Variants in GRXCR2 observed in about 807,000 individuals in gnomAD.
GRXCR2 encodes glutaredoxin domain-containing cysteine-rich protein 2.
A neutral mutation model predicts 24.8 loss-of-function variants in GRXCR2; 23 were observed. That is an observed-to-expected ratio of 0.93 (90% CI 0.67 to 1.32). The LOEUF (loss-of-function observed/expected upper bound fraction) is 1.32, where lower values mean the gene tolerates loss of function less well. GRXCR2 is among the 40% of genes most tolerant of loss of function. The probability of loss-of-function intolerance (pLI) is 0.00; values close to 1 mark genes in which losing one functional copy is unlikely to be tolerated. For synonymous variants in GRXCR2, 130 were observed against 116.1 expected (o/e 1.12, Z -0.77); for missense variants, 315 against 303.4 (o/e 1.04, Z -0.28).
chr5:145,872,509 C>T (rs562200118), intron 1 of GRXCR2, 124 bp downstream of exon 1: 7 of 680,052 alleles, frequency 1.0e-5, no homozygotes, highest in African/African-American at 8.9e-5. Context: ...CCATTTGGTG[C>T]ACCAACAGTT....
At chr5:145,874,228 G>A (rs576119504), upstream of GRXCR2, among the ~76,000 whole-genome samples, 33 of 148,200 alleles carry the variant, frequency 2.2e-4, no homozygotes, top group South Asian at 1.3e-3. Flanking sequence ...TTTTTGAGAC[G>A]GAGTCTCACT....
In GRXCR2 at chr5:145,886,882, T is replaced by A. The variant is rs549926622; in HGVS notation, c.-69-20154A>T. Among the ~76,000 whole-genome samples, 35 of 152,338 alleles carry A rather than the reference T, an allele frequency of 2.3e-4. No homozygotes were observed. In the East Asian group the frequency reaches 6.4e-3, roughly 28 times the overall value. ...CTATTTTAGGTTCTTTTTTTCCTAC[T>A]AAACCCTTTAATTCCTATGTGTATT... is the stretch of plus-strand genomic sequence containing the variant. On this transcript the variant is annotated intron_variant, in intron 2 of 3. Transcript: ENST00000639411.
At chr5:145,915,013 C>A (rs1392201965) in intron 2 of GRXCR2, among the ~76,000 whole-genome samples, 1 of 152,188 alleles carries the variant, frequency 6.6e-6, no homozygotes, top group Non-Finnish European at 1.5e-5. Context: ...CTGGATCTCT[C>A]TTCCAGGCAT....
intron 2 of GRXCR2, among the ~76,000 whole-genome samples, chr5:145,910,438 C>A (rs375522531): frequency 9.9e-4 from 150 of 152,154 alleles, no homozygotes; most frequent in African/African-American, 3.3e-3. Context: ...GTAATTTCCC[C>A]ACTGTTCATA....
At chr5:145,868,827 G>T (rs1321807774) in intron 1 of GRXCR2, among the ~76,000 whole-genome samples, 3 of 152,188 alleles carry the variant, frequency 2.0e-5, no homozygotes, top group African/African-American at 4.8e-5. Flanking sequence ...TTTAAGGTGT[G>T]TTTAAGTTTT....
intron 2 of GRXCR2, among the ~76,000 whole-genome samples, chr5:145,891,182 T>A (rs1180693731): frequency 1.3e-5 from 2 of 152,082 alleles, no homozygotes; most frequent in African/African-American, 2.4e-5. Flanking sequence ...TAGGAACAGC[T>A]CCAGTCTACA....
chr5:145,890,366 A>C (rs1756846748), intron 2 of GRXCR2, among the ~76,000 whole-genome samples: 1 of 152,226 alleles, frequency 6.6e-6, no homozygotes, highest in Non-Finnish European at 1.5e-5. Flanking sequence ...CTGAGATTAC[A>C]GGTGTGAGCC....
chr5:145,871,187 G>C (rs1397509772), intron 1 of GRXCR2, among the ~76,000 whole-genome samples: 2 of 152,160 alleles, frequency 1.3e-5, no homozygotes, highest in African/African-American at 4.8e-5. Flanking sequence ...TGCATGAACT[G>C]TGACTTTGTA....
intron 1 of GRXCR2, among the ~76,000 whole-genome samples, chr5:145,868,488 G>A (rs897096611): frequency 2.0e-5 from 3 of 152,062 alleles, no homozygotes; most frequent in Non-Finnish European, 2.9e-5. Flanking sequence ...TCAAGGGATC[G>A]TGTAGCAGCT....
intron 2 of GRXCR2, among the ~76,000 whole-genome samples, chr5:145,885,119 G>GTCTGTC (rs1554105089): frequency 6.6e-6 from 1 of 151,578 alleles, no homozygotes; most frequent in South Asian, 2.1e-4. Context: ...GTGTGTGTGT[G>GTCTGTC]TGTCTGTCTG....
chr5:145,924,061 A>C (rs1339033152), intron 2 of GRXCR2, among the ~76,000 whole-genome samples: 1 of 152,052 alleles, frequency 6.6e-6, no homozygotes, highest in African/African-American at 2.4e-5. Context: ...GTTTAGTACC[A>C]AGCAGGGGGC....
chr5:145,865,553 C>A (rs1045020624), intron 2 of GRXCR2, among the ~76,000 whole-genome samples: 1 of 152,200 alleles, frequency 6.6e-6, no homozygotes, highest in Non-Finnish European at 1.5e-5. Flanking sequence ...TGGACACTGA[C>A]AGCCATATTA....
intron 1 of GRXCR2, among the ~76,000 whole-genome samples, chr5:145,869,963 C>G (rs1756502743): frequency 6.6e-6 from 1 of 152,174 alleles, no homozygotes; most frequent in African/African-American, 2.4e-5. Flanking sequence ...GGTTAACTAG[C>G]TTGTTCGAGC....
chr5:145,890,756 A>C (rs1756851562), intron 2 of GRXCR2, among the ~76,000 whole-genome samples: 1 of 152,128 alleles, frequency 6.6e-6, no homozygotes. Context: ...GATATGCTCA[A>C]AATTTCACAT....
At chr5:145,888,087 T>C (rs1167246316) in intron 2 of GRXCR2, among the ~76,000 whole-genome samples, 1 of 152,230 alleles carries the variant, frequency 6.6e-6, no homozygotes, top group African/African-American at 2.4e-5. Context: ...GAAGTGTTAC[T>C]GAAAGCATGC....
chr5:145,898,378 A>G (rs1045417592), intron 2 of GRXCR2, among the ~76,000 whole-genome samples: 9 of 152,032 alleles, frequency 5.9e-5, no homozygotes, highest in Non-Finnish European at 1.2e-4. Context: ...AGCTGGCACC[A>G]CATCAATTCT....
intron 2 of GRXCR2, among the ~76,000 whole-genome samples, chr5:145,892,694 T>C (rs1756887273): frequency 6.6e-6 from 1 of 152,182 alleles, no homozygotes; most frequent in Admixed American, 6.5e-5. Flanking sequence ...TGGAACCAAG[T>C]TGGAAAACAC....
upstream of GRXCR2, among the ~76,000 whole-genome samples, chr5:145,877,089 A>C (rs561366007): frequency 9.2e-5 from 14 of 152,244 alleles, no homozygotes; most frequent in Admixed American, 2.0e-4. Context: ...AAATGAAAAA[A>C]ATCCATTGCT....
At chr5:145,905,207 T>G (rs1757074257) in intron 2 of GRXCR2, among the ~76,000 whole-genome samples, 1 of 152,214 alleles carries the variant, frequency 6.6e-6, no homozygotes, top group African/African-American at 2.4e-5. Flanking sequence ...TGGATCTGAA[T>G]TCAATTCTTA....
Sources: gnomAD v4.1 joint callset for allele counts (sites outside exome capture counted in the v4.1 genomes callset) on GRCh38, gnomAD v4.1.1 for gene constraint, MANE v1.5 for transcripts, NCBI Gene and HGNC (gene_info 2026-07-23, HGNC 2026-07-21) for gene names.